Variants in CTBS observed in about 807,000 individuals in gnomAD.
CTBS encodes chitobiase.
A neutral mutation model predicts 44.3 loss-of-function variants in CTBS; 35 were observed. The observed-to-expected ratio is 0.79, with a 90% CI of 0.60 to 1.05. CTBS has a LOEUF of 1.05. Ranked by LOEUF, CTBS falls within the 50% of genes least tolerant of loss-of-function variation. The pLI, the probability that CTBS is intolerant of heterozygous loss-of-function variation, is 0.00. For missense variants in CTBS, 458 were observed against 475.3 expected (o/e 0.96, Z 0.34); for synonymous variants, 143 against 168.0 (o/e 0.85, Z 1.15).
At chr1:84,572,963 A>C (rs1647358576) in intron 1 of CTBS, among the ~76,000 whole-genome samples, 1 of 152,176 alleles carries the variant, frequency 6.6e-6, no homozygotes, top group Non-Finnish European at 1.5e-5. Context: ...TCTCAAAAAG[A>C]GATTGAGAAA....
Position 84,550,476 on chromosome 1 carries a change from C to A in CTBS, c.*4523G>T. The A allele has an allele frequency of 6.4e-7, 1 of 1,567,480 alleles. No individual in the cohort carries two copies. Among genetic ancestry groups the A allele is most frequent in the Non-Finnish European group, 8.7e-7 (1 of 1,155,612 alleles). On this transcript the variant is annotated 3_prime_UTR_variant, in exon 7 of 7. Transcript: ENST00000370630. ...TCACTGAGGTACAGCATGCAATTGA[C>A]CAGCTTAAGAGAAAACTAGATACTG...
At chr1:84,570,471 C>A in intron 2 of CTBS, 111 bp downstream of exon 2, 2 of 857,460 alleles carry the variant, frequency 2.3e-6, no homozygotes, top group Non-Finnish European at 3.6e-6. Context: ...ATTATAGGAT[C>A]CTAACAAAAA....
At chr1:84,558,846 A>G (rs1684528286) in intron 6 of CTBS, among the ~76,000 whole-genome samples, 1 of 152,064 alleles carries the variant, frequency 6.6e-6, no homozygotes, top group African/African-American at 2.4e-5. Context: ...GGCTGCAGTG[A>G]GCCATGATTG....
Position 84,570,084 on chromosome 1 carries a change from A to G in CTBS, c.372T>C (p.Ala124=), listed in dbSNP as rs372682493. The G allele has an allele frequency of 1.9e-6, 3 of 1,613,594 alleles. No individual in the cohort carries two copies. The highest frequency in any genetic ancestry group is 2.5e-6 in the Non-Finnish European group (3 of 1,179,828). ...IDPAFRASWI[A]QKLNLAKTQY... The stretch of plus-strand genomic sequence containing the variant: ...GTGTTTTGGCCAAATTAAGTTTTTG[A>G]GCTATCCAGGATGCTCTGAAAGCAG... The change falls in exon 3 of 7, where the codon GCT becomes GCC. Residue 124 remains alanine (A), a synonymous_variant. Coordinates refer to ENST00000370630, the MANE Select transcript of CTBS (RefSeq NM_004388.3).
intron 6 of CTBS, 79 bp from the exon 7 acceptor site, chr1:84,555,278 G>T (rs1684395166): frequency 2.6e-6 from 3 of 1,132,476 alleles, no homozygotes; most frequent in Admixed American, 2.5e-5. Context: ...AATAAAAGAA[G>T]TATACAGTAC....
Position 84,560,819 on chromosome 1 carries a change from C to A in CTBS, c.957+2438G>T, listed in dbSNP as rs1200604423. Reference sequence around the variant, plus strand: ...TGATCTATAAATGGAATAACAAAGCCTGGCTCACAGCACATCTGTTTACTG... The same window carrying A: ...TGATCTATAAATGGAATAACAAAGCATGGCTCACAGCACATCTGTTTACTG... On this transcript the variant is annotated intron_variant, in intron 6 of 6. Coordinates refer to ENST00000370630, the MANE Select transcript of CTBS (RefSeq NM_004388.3). 8.9e-4 allele frequency among the ~76,000 whole-genome samples: 135 copies of A among 152,162 alleles called. 2 individuals are homozygous for A. Among genetic ancestry groups the A allele is most frequent in the Non-Finnish European group, 5.9e-5 (4 of 68,030 alleles).
rs138861244 is a variant in CTBS at position 84,555,086 on chromosome 1, G to C, written c.1071C>G (p.Asn357Lys). The C allele has an allele frequency of 3.1e-6, 5 of 1,613,958 alleles. No individual in the cohort carries two copies. The South Asian group carries it at 5.5e-5, about 18-fold the overall frequency. ...CAGCATCTCCAGAGTAGTCAAGACAGTTTGCATTCCACATGCCAATGCCCC... is the reference window on the plus strand; with the variant it reads ...CAGCATCTCCAGAGTAGTCAAGACACTTTGCATTCCACATGCCAATGCCCC... ...RLRGIGMWNA[N>K]CLDYSGDAVA... Residue 357 changes from asparagine (N) to lysine (K), a missense_variant, in exon 7 of 7, where the codon AAC becomes AAG. By Grantham distance (94) the Asn-to-Lys change is moderately conservative. Transcript: ENST00000370630.
Position 84,554,863 on chromosome 1 carries a change from C to A in CTBS, c.*136G>T. ...TTCGTGTGTATTTTTCAAATTCAAA[C>A]AATCAAAACATTTATTTATTCTTTT... is the stretch of plus-strand genomic sequence containing the variant. On this transcript the variant is annotated 3_prime_UTR_variant, in exon 7 of 7. Transcript: ENST00000370630. The A allele has an allele frequency of 1.4e-6, 1 of 699,920 alleles. No individual in the cohort carries two copies. The highest frequency in any genetic ancestry group is 3.3e-5 in the Admixed American group (1 of 30,582). 43.4% of individuals were successfully genotyped at this position (699,920 alleles called of 1,614,324 possible). A position where few individuals can be genotyped will look rare whatever the true frequency, so the allele number is the denominator to read the frequency against.
chr1:84,564,530 T>C (rs934371698), intron 4 of CTBS, among the ~76,000 whole-genome samples: 2 of 152,160 alleles, frequency 1.3e-5, no homozygotes, highest in African/African-American at 4.8e-5. Flanking sequence ...ACATATTGGT[T>C]TATTTAGTTT....
At position 84,549,750 on chromosome 1, in the gene CTBS, C is replaced by A. The variant is rs1684214078; in HGVS notation, c.*5249G>T. On this transcript the variant is annotated 3_prime_UTR_variant, in exon 7 of 7. Transcript: ENST00000370630. ...CAAAAGTAATTTTAAAATATGTTAA[C>A]TATGATTAAAAGTAAGGATTTAACT... 1 of 151,764 alleles carries A rather than the reference C, an allele frequency of 6.6e-6. No homozygotes were observed. The highest frequency in any genetic ancestry group is 6.6e-5 in the Admixed American group (1 of 15,230). The allele number at this position is 151,764 out of a possible 1,614,324, so 9.4% of individuals were successfully genotyped here. A position where few individuals can be genotyped will look rare whatever the true frequency, so the allele number is the denominator to read the frequency against.
intron 3 of CTBS, among the ~76,000 whole-genome samples, chr1:84,567,430 A>G (rs989980005): frequency 1.3e-5 from 2 of 152,202 alleles, no homozygotes; most frequent in African/African-American, 4.8e-5. Context: ...AGTTAATCTC[A>G]TATTTTTGAG....
In CTBS at chr1:84,550,116, T is replaced by A. The variant is rs1357581023; in HGVS notation, c.*4883A>T. ...TAAGTATTTTAAAATAATTCTAATC[T>A]TATTCAGCTGATAAAGCATTATGAC... On this transcript the variant is annotated 3_prime_UTR_variant, in exon 7 of 7. Coordinates refer to ENST00000370630, the MANE Select transcript of CTBS (RefSeq NM_004388.3). 6.0e-6 allele frequency: 1 copy of A among 165,566 alleles called. No homozygotes were observed. Among genetic ancestry groups the A allele is most frequent in the East Asian group, 1.6e-4 (1 of 6,432 alleles). 10.3% of individuals were successfully genotyped at this position (165,566 alleles called of 1,614,324 possible). A position where few individuals can be genotyped will look rare whatever the true frequency, so the allele number is the denominator to read the frequency against.
In CTBS at chr1:84,551,724, A is replaced by G. The variant is rs547100752; in HGVS notation, c.*3275T>C. On this transcript the variant is annotated 3_prime_UTR_variant, in exon 7 of 7. Coordinates refer to ENST00000370630, the MANE Select transcript of CTBS (RefSeq NM_004388.3). ...GGAAAAGAGCAGAGGATAATTTTTA[A>G]CAAAATATCAGTTAAATATGCACTC... 28 of 152,274 alleles carry G rather than the reference A, an allele frequency of 1.8e-4. No homozygotes were observed. The highest frequency in any genetic ancestry group is 6.3e-4 in the African/African-American group (26 of 41,562). 9.4% of individuals were successfully genotyped at this position (152,274 alleles called of 1,614,324 possible). A position where few individuals can be genotyped will look rare whatever the true frequency, so the allele number is the denominator to read the frequency against.
chr1:84,551,670 C>T lies in CTBS; in HGVS notation c.*3329G>A, dbSNP rs1323979721. On this transcript the variant is annotated 3_prime_UTR_variant, in exon 7 of 7. Coordinates refer to ENST00000370630, the MANE Select transcript of CTBS (RefSeq NM_004388.3). ...AGGCTAAATAAGCCCTGGTTTGGCA[C>T]TGAGAAGCTTAAAACTTAAAATAGA... 6.6e-6 allele frequency: 1 copy of T among 152,040 alleles called. No homozygotes were observed. Among genetic ancestry groups the T allele is most frequent in the Non-Finnish European group, 1.5e-5 (1 of 67,990 alleles). 9.4% of individuals were successfully genotyped at this position (152,040 alleles called of 1,614,324 possible). A position where few individuals can be genotyped will look rare whatever the true frequency, so the allele number is the denominator to read the frequency against.
chr1:84,553,224 A>G lies in CTBS; in HGVS notation c.*1775T>C. ...TCCTTGGCAATGTTTTATAAAAAGC[A>G]CAAGGTTTCTCTTTCTCCACTTTCC... On this transcript the variant is annotated 3_prime_UTR_variant, in exon 7 of 7. Transcript: ENST00000370630. 1 of 681,206 alleles carries G rather than the reference A, an allele frequency of 1.5e-6. No homozygotes were observed. The highest frequency in any genetic ancestry group is 2.3e-5 in the South Asian group (1 of 43,374). The allele number at this position is 681,206 out of a possible 1,614,324, so 42.2% of individuals were successfully genotyped here. A position where few individuals can be genotyped will look rare whatever the true frequency, so the allele number is the denominator to read the frequency against.
At position 84,552,359 on chromosome 1, in the gene CTBS, C is replaced by A. The variant is rs1273402790; in HGVS notation, c.*2640G>T. 6.6e-6 allele frequency: 1 copy of A among 152,142 alleles called. No homozygotes were observed. Among genetic ancestry groups the A allele is most frequent in the African/African-American group, 2.4e-5 (1 of 41,430 alleles). 9.4% of individuals were successfully genotyped at this position (152,142 alleles called of 1,614,324 possible). A position where few individuals can be genotyped will look rare whatever the true frequency, so the allele number is the denominator to read the frequency against. ...AGATTCTTCCTACCTAACAAGCTCCCAACTGATGCTAATGCTGCTGTCCAC... is the reference window on the plus strand; with the variant it reads ...AGATTCTTCCTACCTAACAAGCTCCAAACTGATGCTAATGCTGCTGTCCAC... On this transcript the variant is annotated 3_prime_UTR_variant, in exon 7 of 7. Coordinates refer to ENST00000370630, the MANE Select transcript of CTBS (RefSeq NM_004388.3).
intron 2 of CTBS, 43 bp from the exon 3 acceptor site, chr1:84,570,182 A>T: frequency 6.5e-7 from 1 of 1,526,996 alleles, no homozygotes; most frequent in Non-Finnish European, 8.9e-7. Flanking sequence ...ATGCAAAAAC[A>T]TTTCATTATT....
At chr1:84,564,131 A>G (rs947170922) in intron 4 of CTBS, among the ~76,000 whole-genome samples, 1 of 152,238 alleles carries the variant, frequency 6.6e-6, no homozygotes, top group Admixed American at 6.5e-5. Flanking sequence ...TATGCTAATT[A>G]TATCTATTAA....
intron 5 of CTBS, 50 bp downstream of exon 5, chr1:84,563,685 T>TA (rs781586774): frequency 2.7e-6 from 3 of 1,130,354 alleles, no homozygotes; most frequent in Non-Finnish European, 3.7e-6. Context: ...AGAGAGACTC[T>TA]AAAAAATATA....
Sources: allele counts gnomAD v4.1 joint callset (sites outside exome capture counted in the v4.1 genomes callset), GRCh38; gene constraint gnomAD v4.1.1; transcripts MANE v1.5; gene names NCBI Gene and HGNC (gene_info 2026-07-23, HGNC 2026-07-21).